The following NCOR2 variants were observed in gnomAD, a reference collection of about 807,000 sequenced individuals.
NCOR2 encodes the protein nuclear receptor corepressor 2, also known as CTG repeat protein 26.
Under a neutral mutation model 262.9 loss-of-function variants are expected in NCOR2, and 81 were observed. The ratio of observed to expected loss-of-function variants is 0.31; its 90% CI spans 0.26 to 0.37. The LOEUF is 0.37. Among genes scored for constraint, NCOR2 ranks in the 10% least tolerant of loss-of-function variants. The pLI is 1.00. For synonymous variants in NCOR2, 1,659 were observed against 1,559.3 expected (o/e 1.06, Z -1.51); for missense variants, 3,385 against 3,621.4 (o/e 0.93, Z 1.68).
In NCOR2 at chr12:124,347,961, C is replaced by A. The variant is rs1000598143; in HGVS notation, c.3986-50G>T. ...CATTCCGTGGCTCCCTGAGCCGACA[C>A]TGGGCAGTGACAGGGGTCAGTGTTT... is the stretch of plus-strand genomic sequence containing the variant. On this transcript the variant is annotated intron_variant, in intron 29 of 46. Coordinates refer to ENST00000405201, the Ensembl canonical transcript of NCOR2. 6 of 1,533,706 alleles carry A rather than the reference C, an allele frequency of 3.9e-6. No individual in the cohort carries two copies. The African/African-American group carries it at 4.1e-5, about 11-fold the overall frequency.
At chr12:124,391,547 T>G (rs529778971) in intron 16 of NCOR2, among the ~76,000 whole-genome samples, 1 of 152,178 alleles carries the variant, frequency 6.6e-6, no homozygotes, top group African/African-American at 2.4e-5. Context: ...TTGACACCCT[T>G]GACAGGCCGG....
chr12:124,404,213 G>A (rs910552832), intron 13 of NCOR2, among the ~76,000 whole-genome samples: 3 of 152,226 alleles, frequency 2.0e-5, no homozygotes, highest in Non-Finnish European at 2.9e-5. Flanking sequence ...CCCGGGGAGG[G>A]AGGAGTGATG....
exon 35 of NCOR2, chr12:124,340,714 C>A: frequency 6.5e-7 from 1 of 1,543,908 alleles, no homozygotes; most frequent in Non-Finnish European, 8.7e-7. Context: ...GGGGCACGAG[C>A]ACAGGCAGGT....
Position 124,483,494 on chromosome 12 carries a change from G to T in NCOR2, c.411+102C>A. The T allele has an allele frequency of 7.8e-7, 1 of 1,282,526 alleles. No homozygotes were observed. Among genetic ancestry groups the T allele is most frequent in the Non-Finnish European group, 1.0e-6 (1 of 964,318 alleles). The allele number at this position is 1,282,526 out of a possible 1,614,324, so 79.4% of individuals were successfully genotyped here. On this transcript the variant is annotated intron_variant, in intron 3 of 46. Transcript: ENST00000405201. This position sits in a 1 kb window ranked among gnomAD's most constrained non-coding sequence, Gnocchi z 6.3. Reference sequence around the variant, plus strand: ...GGCCCACCTCCAAGCCTTTGCCCGAGCTGCCCCCTCCCTGCACCCCTACCC... The same window carrying T: ...GGCCCACCTCCAAGCCTTTGCCCGATCTGCCCCCTCCCTGCACCCCTACCC...
intron 1 of NCOR2, among the ~76,000 whole-genome samples, chr12:124,511,178 T>A (rs1278152894): frequency 2.6e-5 from 4 of 152,150 alleles, no homozygotes; most frequent in Non-Finnish European, 5.9e-5. Context: ...AGCCCAGATT[T>A]CGGGGTACCA....
At chr12:124,522,303 A>G (rs1244673972) in intron 1 of NCOR2, among the ~76,000 whole-genome samples, 1 of 152,248 alleles carries the variant, frequency 6.6e-6, no homozygotes, top group African/African-American at 2.4e-5. Context: ...TGTGGCTGCT[A>G]TAACAAATTA....
At chr12:124,325,925 C>T (rs1219732257) in intron 46 of NCOR2, among the ~76,000 whole-genome samples, 1 of 152,176 alleles carries the variant, frequency 6.6e-6, no homozygotes, top group Non-Finnish European at 1.5e-5. Flanking sequence ...AAAGGAAGTC[C>T]AGGCTCCCCT....
At chr12:124,404,300 C>A (rs2042148332) in intron 13 of NCOR2, among the ~76,000 whole-genome samples, 1 of 152,208 alleles carries the variant, frequency 6.6e-6, no homozygotes, top group Admixed American at 6.5e-5. Flanking sequence ...ATGTCCCTGG[C>A]AACAGCCCAG....
chr12:124,336,386 T>C (rs1034251718), intron 38 of NCOR2: 4 of 198,310 alleles, frequency 2.0e-5, no homozygotes, highest in East Asian at 1.6e-4. Flanking sequence ...GATCCATTCA[T>C]TAAAGAAAAA....
intron 13 of NCOR2, among the ~76,000 whole-genome samples, chr12:124,406,984 G>C (rs2042309929): frequency 6.6e-6 from 1 of 152,200 alleles, no homozygotes; most frequent in African/African-American, 2.4e-5. Flanking sequence ...TATCATCCCA[G>C]TTTTATGGAT....
chr12:124,384,047 G>A (rs897370336), intron 17 of NCOR2, among the ~76,000 whole-genome samples: 4 of 151,820 alleles, frequency 2.6e-5, no homozygotes, highest in African/African-American at 9.7e-5. Flanking sequence ...GGGGAGGCGG[G>A]GGGAGGAGAG....
Position 124,431,872 on chromosome 12 carries a change from G to GAC in NCOR2, c.883-1087_883-1086dup, listed in dbSNP as rs142107372. On this transcript the variant is annotated intron_variant, in intron 8 of 46. Transcript: ENST00000405201. ...AGTCATATAGGCAGATACACAGAGA[G>GAC]ACACACACACACACATATATACACA... Among the ~76,000 whole-genome samples the GAC allele has an allele frequency of 2.6e-4, 39 of 150,730 alleles. 1 individual carries two copies. Among genetic ancestry groups the GAC allele is most frequent in the East Asian group, 2.5e-3 (13 of 5,112 alleles).
intron 43 of NCOR2, among the ~76,000 whole-genome samples, 159 bp from the exon 46 acceptor site, chr12:124,331,057 G>A (rs1204905919): frequency 6.7e-6 from 1 of 148,926 alleles, no homozygotes; most frequent in Non-Finnish European, 1.5e-5. Context: ...CCAAGCGTCT[G>A]CATTTCTTTT....
At chr12:124,415,602 C>T (rs771947090) in intron 13 of NCOR2, among the ~76,000 whole-genome samples, 3 of 152,262 alleles carry the variant, frequency 2.0e-5, no homozygotes, top group Non-Finnish European at 4.4e-5. Context: ...AGACAGGGAC[C>T]TCCTGCCCGG....
intron 13 of NCOR2, among the ~76,000 whole-genome samples, chr12:124,419,732 C>T (rs1274764600): frequency 6.6e-6 from 1 of 152,258 alleles, no homozygotes; most frequent in Admixed American, 6.5e-5. Context: ...TTCCTGGCCA[C>T]TACGGGAGGC....
intron 10 of NCOR2, 190 bp downstream of exon 12, chr12:124,429,423 C>T (rs1425075837): frequency 3.2e-6 from 2 of 624,774 alleles, no homozygotes; most frequent in East Asian, 2.8e-5. Context: ...CACATTAACA[C>T]CCCTCTCTCT....
exon 38 of NCOR2, chr12:124,337,077 C>T (rs1287951065): frequency 1.3e-6 from 2 of 1,486,478 alleles, no homozygotes; most frequent in Non-Finnish European, 1.8e-6. Context: ...AAGACGGGCT[C>T]CATGAGGGTA....
intron 1 of NCOR2, among the ~76,000 whole-genome samples, chr12:124,516,342 G>T (rs1391020432): frequency 1.3e-5 from 2 of 152,174 alleles, no homozygotes; most frequent in Non-Finnish European, 2.9e-5. Flanking sequence ...GGCACGGAGG[G>T]GCTCAGGCTG....
chr12:124,518,242 G>T (rs2049947239), intron 1 of NCOR2: 1 of 152,780 alleles, frequency 6.5e-6, no homozygotes. Context: ...CAGCCAGCGG[G>T]CCAGCAGAGT....
Sources: gnomAD v4.1 joint callset for allele counts (sites outside exome capture counted in the v4.1 genomes callset) on GRCh38, gnomAD v4.1.1 for gene constraint, Gnocchi (gnomAD v3.1) non-coding constraint, MANE v1.5 for transcripts, NCBI Gene and HGNC (gene_info 2026-07-23, HGNC 2026-07-21) for gene names.